FRS2: variants seen among roughly 807,000 people sequenced by gnomAD.
FRS2 encodes the protein FGFR signalling adaptor.
A neutral mutation model predicts 43.9 loss-of-function variants in FRS2; 8 were observed. The ratio of observed to expected loss-of-function variants is 0.18; its 90% CI spans 0.11 to 0.33. The LOEUF is 0.33. Among genes scored for constraint, FRS2 ranks in the 10% least tolerant of loss-of-function variants. The pLI, the probability that FRS2 is intolerant of heterozygous loss-of-function variation, is 1.00. For missense variants in FRS2, 534 were observed against 627.6 expected, an observed-to-expected ratio of 0.85 and a Z score of 1.59; for synonymous variants, 219 against 220.3, an observed-to-expected ratio of 0.99 and a Z score of 0.05.
intron 1 of FRS2, among the ~76,000 whole-genome samples, chr12:69,499,568 C>T (rs1174115432): frequency 6.6e-6 from 1 of 152,042 alleles, no homozygotes; most frequent in African/African-American, 2.4e-5. Flanking sequence ...ATCCACAAGG[C>T]TACATATCTC....
intron 1 of FRS2, among the ~76,000 whole-genome samples, chr12:69,520,199 A>T (rs1875489386): frequency 6.7e-6 from 1 of 150,006 alleles, no homozygotes; most frequent in Non-Finnish European, 1.5e-5. Context: ...GGCCACGTTT[A>T]TGTGTTCTTT....
At chr12:69,540,040 T>G (rs950087671) in intron 3 of FRS2, among the ~76,000 whole-genome samples, 2 of 151,492 alleles carry the variant, frequency 1.3e-5, no homozygotes, top group Admixed American at 1.3e-4. Context: ...GATCATGATG[T>G]CAGGAGATTG....
rs1392172183 is a variant in FRS2 at position 69,574,498 on chromosome 12, C to A, written c.1070C>A (p.Pro357His). 1 of 1,614,060 alleles carries A rather than the reference C, an allele frequency of 6.2e-7. No homozygotes were observed. The highest frequency in any genetic ancestry group is 1.7e-5 in the Admixed American group (1 of 60,018). Residue 357 changes from proline to histidine, a missense_variant, in exon 9 of 9, where the codon CCT becomes CAT. By Grantham distance (77) the Pro-to-His change is moderately conservative. Transcript: ENST00000549921. ...LNYENLPSLP[P>H]VWEARKLSRD... The stretch of plus-strand genomic sequence containing the variant: ...TATGAAAATCTACCATCTTTGCCTC[C>A]TGTTTGGGAAGCCCGCAAGCTAAGT...
chr12:69,497,982 C>T (rs1260783080), intron 1 of FRS2, among the ~76,000 whole-genome samples: 1 of 150,872 alleles, frequency 6.6e-6, no homozygotes, highest in Non-Finnish European at 1.5e-5. Flanking sequence ...GATAATTCCA[C>T]CAATATCTAT....
At position 69,522,459 on chromosome 12, in the gene FRS2, A is replaced by G. The variant is rs1875777381; in HGVS notation, c.-260-8406A>G. On this transcript the variant is annotated intron_variant, in intron 1 of 8. Coordinates refer to ENST00000549921, the MANE Select transcript of FRS2 (RefSeq NM_001278356.2). ...GATCAGTAGTAACATTGTCTTTGTC[A>G]TTTCTCATTGTGTTTATTTGTATCT... Among the ~76,000 whole-genome samples the G allele has an allele frequency of 3.3e-5, 5 of 151,816 alleles. No individual in the cohort carries two copies. The South Asian group carries it at 1.0e-3, about 32-fold the overall frequency.
rs141741247 is a variant in FRS2 at position 69,493,069 on chromosome 12, A to G, written c.-261+22539A>G. ...AGATACCAAGCAAAACAGAGAGACT[A>G]TTGCTTTAGAAAGAGATCTTAAAAC... On this transcript the variant is annotated intron_variant, in intron 1 of 8. Transcript: ENST00000549921. Among the ~76,000 whole-genome samples the G allele has an allele frequency of 5.8e-3, 887 of 152,360 alleles. 8 individuals are homozygous for G. Among genetic ancestry groups the G allele is most frequent in the African/African-American group, 0.021 (853 of 41,586 alleles).
chr12:69,514,646 A>G (rs940424124), intron 1 of FRS2, among the ~76,000 whole-genome samples: 1 of 152,134 alleles, frequency 6.6e-6, no homozygotes, highest in Non-Finnish European at 1.5e-5. Flanking sequence ...CAGCCTGGCC[A>G]ACATGGCGAA....
At chr12:69,534,816 G>T (rs1877122362) in intron 3 of FRS2, among the ~76,000 whole-genome samples, 1 of 152,174 alleles carries the variant, frequency 6.6e-6, no homozygotes, top group South Asian at 2.1e-4. Flanking sequence ...GGTCTGCCTT[G>T]TATGTATGTG....
intron 1 of FRS2, among the ~76,000 whole-genome samples, chr12:69,524,155 C>T (rs1455600062): frequency 6.6e-6 from 1 of 152,082 alleles, no homozygotes; most frequent in Non-Finnish European, 1.5e-5. Context: ...TAGTTTTGGG[C>T]AGGCAGCAGT....
chr12:69,546,074 GA>G (rs1243919363), intron 3 of FRS2, among the ~76,000 whole-genome samples: 2 of 151,994 alleles, frequency 1.3e-5, no homozygotes, highest in Non-Finnish European at 2.9e-5. Flanking sequence ...GACAATACAA[GA>G]AAAAACTTCT....
chr12:69,492,528 CAA>C (rs1872568579), intron 1 of FRS2, among the ~76,000 whole-genome samples: 1 of 152,132 alleles, frequency 6.6e-6, no homozygotes, highest in South Asian at 2.1e-4. Flanking sequence ...AGGGATAAGA[CAA>C]AGAACCATCT....
At chr12:69,498,445 G>A (rs781374419) in intron 1 of FRS2, among the ~76,000 whole-genome samples, 19 of 151,832 alleles carry the variant, frequency 1.3e-4, no homozygotes, top group Non-Finnish European at 7.4e-5. Flanking sequence ...CCAACCTGCG[G>A]TTCATGCGGC....
intron 3 of FRS2, among the ~76,000 whole-genome samples, chr12:69,552,796 G>C (rs564750034): frequency 1.3e-5 from 2 of 151,838 alleles, no homozygotes; most frequent in Admixed American, 1.3e-4. Context: ...AGAGGCTGAG[G>C]CAGGAGAATT....
chr12:69,513,404 G>T (rs187500658), intron 1 of FRS2, among the ~76,000 whole-genome samples: 1 of 152,082 alleles, frequency 6.6e-6, no homozygotes, highest in Non-Finnish European at 1.5e-5. Context: ...AGGGAAACTA[G>T]TCCCCAAGCT....
intron 1 of FRS2, 139 bp downstream of exon 1, chr12:69,470,669 C>T (rs369809274): frequency 1.3e-5 from 2 of 150,760 alleles, no homozygotes; most frequent in African/African-American, 2.5e-5. Context: ...TCGACCGCCG[C>T]GGACTTCTCC....
At chr12:69,516,576 G>A (rs1436794117) in intron 1 of FRS2, among the ~76,000 whole-genome samples, 2 of 152,100 alleles carry the variant, frequency 1.3e-5, no homozygotes, top group African/African-American at 4.8e-5. Flanking sequence ...GTCTGAATGT[G>A]GGCTGGGTGC....
rs772522445 is a variant in FRS2, at chr12:69,574,095, G to A, written c.667G>A (p.Ala223Thr). Residue 223 changes from alanine (A) to threonine (T), a missense_variant, in exon 9 of 9, where the codon GCT (alanine) becomes ACT (threonine). By Grantham distance (58) the Ala-to-Thr change is moderately conservative. Around this residue, in one of 3 missense-constraint regions of FRS2, gnomAD observed 446 missense variants for 494.2 expected, o/e 0.90. Transcript: ENST00000549921. ...TCCATTGGAGGCGAGGGTTTCTAACGCTGAAAGCAGCACACCAAAAGAAGA... is the reference window on the plus strand; with the variant it reads ...TCCATTGGAGGCGAGGGTTTCTAACACTGAAAGCAGCACACCAAAAGAAGA... ...HVPLEARVSN[A>T]ESSTPKEEPS... 5.6e-6 allele frequency: 9 copies of A among 1,614,054 alleles called. No homozygotes were observed. Among genetic ancestry groups the A allele is most frequent in the Admixed American group, 3.3e-5 (2 of 60,008 alleles).
rs573768233 is a variant in FRS2, at chr12:69,530,198, GATA to G, written c.-260-661_-260-659del. ...ATAATAATTGCTTACAACAATTAAT[GATA>G]ATAATTGTTTATAATAAATAAGCAA... On this transcript the variant is annotated intron_variant, in intron 1 of 8. Coordinates refer to ENST00000549921, the MANE Select transcript of FRS2 (RefSeq NM_001278356.2). 6.5e-4 allele frequency among the ~76,000 whole-genome samples: 97 copies of G among 150,024 alleles called. 1 individual carries two copies. Among genetic ancestry groups the G allele is most frequent in the Middle Eastern group, 3.5e-3 (1 of 286 alleles).
intron 7 of FRS2, among the ~76,000 whole-genome samples, chr12:69,571,658 G>A (rs953829532): frequency 1.3e-5 from 2 of 152,006 alleles, no homozygotes; most frequent in Non-Finnish European, 2.9e-5. Flanking sequence ...TCAGGAGATC[G>A]AGACCATCTT....
Sources: allele counts gnomAD v4.1 joint callset (sites outside exome capture counted in the v4.1 genomes callset), GRCh38; gene constraint gnomAD v4.1.1; regional missense constraint gnomAD v4.1.1; transcripts MANE v1.5; gene names NCBI Gene and HGNC (gene_info 2026-07-23, HGNC 2026-07-21).